The following CDC73 variants were observed in gnomAD, a reference collection of about 807,000 sequenced individuals.
CDC73 encodes the protein parafibromin.
Under a neutral mutation model 83.7 loss-of-function variants are expected in CDC73, and 21 were observed. The observed-to-expected ratio is 0.25, with a 90% CI of 0.18 to 0.36. The LOEUF (loss-of-function observed/expected upper bound fraction) is 0.36, where lower values mean the gene tolerates loss of function less well. Among genes scored for constraint, CDC73 ranks in the 10% least tolerant of loss-of-function variants. The pLI is 1.00. For synonymous variants in CDC73, 224 were observed against 212.9 expected (o/e 1.05, Z -0.45); for missense variants, 342 against 653.3 (o/e 0.52, Z 5.19).
At chr1:193,232,669 G>A (rs192029862) in intron 13 of CDC73, among the ~76,000 whole-genome samples, 93 of 152,264 alleles carry the variant, frequency 6.1e-4, no homozygotes, top group African/African-American at 1.3e-3. Context: ...TTGGGAGGCC[G>A]AGGCGGGTGG....
At chr1:193,234,150 T>TTC (rs1301715434) in intron 14 of CDC73, among the ~76,000 whole-genome samples, 418 of 107,294 alleles carry the variant, frequency 3.9e-3, no homozygotes, top group East Asian at 0.016. Context: ...GGTAGGATAA[T>TTC]TCTCTCTCTC....
At chr1:193,196,709 A>G (rs1677008642) in intron 10 of CDC73, among the ~76,000 whole-genome samples, 1 of 152,044 alleles carries the variant, frequency 6.6e-6, no homozygotes, top group African/African-American at 2.4e-5. Flanking sequence ...TTTTAATGCT[A>G]TTGTAAGTGG....
intron 15 of CDC73, among the ~76,000 whole-genome samples, chr1:193,245,852 A>G (rs1677945590): frequency 6.6e-6 from 1 of 152,084 alleles, no homozygotes; most frequent in South Asian, 2.1e-4. Flanking sequence ...ATGATACCTC[A>G]TTGTGGTTTT....
chr1:193,238,623 T>A (rs1034398424), intron 15 of CDC73, among the ~76,000 whole-genome samples: 3 of 152,230 alleles, frequency 2.0e-5, no homozygotes, highest in African/African-American at 7.2e-5. Flanking sequence ...AACTTTTGAC[T>A]TATCCCAAAC....
At position 193,138,710 on chromosome 1, in the gene CDC73, C is replaced by G. The variant is rs76739435; in HGVS notation, c.512+537C>G. ...TCTTTTCTTTTTTTTGGATTCTTTT[C>G]TATCTGTCTGTTTATATTCTTTTTT... On this transcript the variant is annotated intron_variant, in intron 6 of 16. Coordinates refer to ENST00000367435, the MANE Select transcript of CDC73 (RefSeq NM_024529.5). Among the ~76,000 whole-genome samples, 1,448 of 149,940 alleles carry G rather than the reference C, an allele frequency of 9.7e-3. 7 individuals carry two copies. Among genetic ancestry groups the G allele is most frequent in the Non-Finnish European group, 0.017 (1,123 of 67,420 alleles).
intron 13 of CDC73, among the ~76,000 whole-genome samples, chr1:193,224,496 A>G (rs971303821): frequency 6.6e-6 from 1 of 151,936 alleles, no homozygotes; most frequent in African/African-American, 2.4e-5. Context: ...ATACACATAT[A>G]TGAAATATGC....
chr1:193,151,846 C>A (rs1045216541), intron 9 of CDC73, among the ~76,000 whole-genome samples: 13 of 152,072 alleles, frequency 8.5e-5, no homozygotes, highest in Non-Finnish European at 1.5e-5. Context: ...ATTGCTTGAA[C>A]CTGTGGAGGG....
At chr1:193,186,462 T>C (rs1676809284) in intron 10 of CDC73, 1 of 152,438 alleles carries the variant, frequency 6.6e-6, no homozygotes, top group African/African-American at 2.4e-5. Flanking sequence ...AGTGCTTCAG[T>C]TGTATTGGAA....
intron 10 of CDC73, among the ~76,000 whole-genome samples, chr1:193,153,005 G>A (rs1676145979): frequency 6.6e-6 from 1 of 151,930 alleles, no homozygotes; most frequent in Non-Finnish European, 1.5e-5. Flanking sequence ...TCCTGACCTC[G>A]TGATCGCCCG....
At chr1:193,218,352 CA>C (rs1184166475) in intron 13 of CDC73, among the ~76,000 whole-genome samples, 1 of 152,206 alleles carries the variant, frequency 6.6e-6, no homozygotes, top group Non-Finnish European at 1.5e-5. Context: ...AAACAACTTA[CA>C]GATTCACTGC....
chr1:193,152,525 C>G, intron 10 of CDC73, 81 bp downstream of exon 10: 1 of 915,656 alleles, frequency 1.1e-6, no homozygotes, highest in Non-Finnish European at 1.8e-6. Context: ...TCTTTAGTCT[C>G]TCATATTTTT....
intron 7 of CDC73, among the ~76,000 whole-genome samples, chr1:193,147,514 C>G (rs938300990): frequency 1.3e-5 from 2 of 150,826 alleles, no homozygotes; most frequent in Non-Finnish European, 3.0e-5. Flanking sequence ...ACTACAGGCA[C>G]CTGCCACCAC....
In CDC73 at chr1:193,253,790, G is replaced by C; in HGVS notation, c.*3078G>C. 4.3e-6 allele frequency: 1 copy of C among 229,910 alleles called. No homozygotes were observed. Among genetic ancestry groups the C allele is most frequent in the Non-Finnish European group, 8.6e-6 (1 of 116,144 alleles). 14.2% of individuals were successfully genotyped at this position (229,910 alleles called of 1,614,324 possible). On this transcript the variant is annotated 3_prime_UTR_variant, in exon 17 of 17. Coordinates refer to ENST00000367435, the MANE Select transcript of CDC73 (RefSeq NM_024529.5). ...AAGGAAAGTGGCATACTTTTAAATT[G>C]GTCTACACAGAAAAGTAAAAGTAAA...
At chr1:193,124,692 C>T (rs568830728) in intron 1 of CDC73, among the ~76,000 whole-genome samples, 1 of 152,262 alleles carries the variant, frequency 6.6e-6, no homozygotes, top group East Asian at 1.9e-4. Context: ...GGATGTTGTT[C>T]AGCAGTATCT....
intron 10 of CDC73, among the ~76,000 whole-genome samples, chr1:193,169,562 A>T (rs1676486991): frequency 6.6e-6 from 1 of 152,148 alleles, no homozygotes; most frequent in African/African-American, 2.4e-5. Flanking sequence ...AATAAAAAAT[A>T]AATTTGTAAG....
intron 2 of CDC73, among the ~76,000 whole-genome samples, chr1:193,128,304 T>C (rs1476756626): frequency 2.6e-5 from 4 of 151,992 alleles, no homozygotes; most frequent in African/African-American, 9.7e-5. Context: ...TATTTTTTAT[T>C]TTTTTTTGAG....
At position 193,252,916 on chromosome 1, in the gene CDC73, C is replaced by G; in HGVS notation, c.*2204C>G. The G allele has an allele frequency of 4.3e-6, 1 of 231,368 alleles. No homozygotes were observed. The highest frequency in any genetic ancestry group is 6.1e-5 in the East Asian group (1 of 16,344). The allele number at this position is 231,368 out of a possible 1,614,324, so 14.3% of individuals were successfully genotyped here. Reference sequence around the variant, plus strand: ...ACAAATTTATTATAAAAGTGTAGTTCGACTCTTCTTGGTCTTGGAGTTTGA... The same window carrying G: ...ACAAATTTATTATAAAAGTGTAGTTGGACTCTTCTTGGTCTTGGAGTTTGA... On this transcript the variant is annotated 3_prime_UTR_variant, in exon 17 of 17. Coordinates refer to ENST00000367435, the MANE Select transcript of CDC73 (RefSeq NM_024529.5).
At chr1:193,131,324 C>T (rs935176120) in intron 3 of CDC73, among the ~76,000 whole-genome samples, 5 of 152,168 alleles carry the variant, frequency 3.3e-5, no homozygotes, top group African/African-American at 4.8e-5. Flanking sequence ...ACATCTTTGT[C>T]ACATCTCACA....
At chr1:193,181,680 A>G in intron 10 of CDC73, 1 of 1,003,212 alleles carries the variant, frequency 1.0e-6, no homozygotes, top group Non-Finnish European at 1.4e-6. Flanking sequence ...TCTTGTAGTC[A>G]TTCTATAAAA....
Sources: gnomAD v4.1 joint callset for allele counts (sites outside exome capture counted in the v4.1 genomes callset) on GRCh38, gnomAD v4.1.1 for gene constraint, MANE v1.5 for transcripts, NCBI Gene and HGNC (gene_info 2026-07-23, HGNC 2026-07-21) for gene names.